The following DMD variants were observed in gnomAD, a reference collection of about 807,000 sequenced individuals.
The protein encoded by DMD is mutant dystrophin.
DMD carries 63 observed loss-of-function variants against 330.1 expected under a neutral mutation model. The observed-to-expected ratio is 0.19, with a 90% CI of 0.16 to 0.24. The LOEUF (loss-of-function observed/expected upper bound fraction) is 0.24, where lower values mean the gene tolerates loss of function less well. DMD is among the 10% of genes least tolerant of loss of function. The pLI is 1.00. For missense variants in DMD, 3,344 were observed against 2,684.1 expected (o/e 1.25, Z -5.43); for synonymous variants, 1,223 against 959.8 (o/e 1.27, Z -5.07).
intron 44 of DMD, among the ~76,000 whole-genome samples, chrX:32,063,605 T>A (rs1041468382): frequency 4.5e-5 from 5 of 111,520 alleles, no homozygotes; most frequent in Admixed American, 2.9e-4. Context: ...AAACACGAAC[T>A]TTTATGATTC....
At position 32,614,464 on chromosome X, in the gene DMD, G is replaced by C. The variant is rs370927319; in HGVS notation, c.1332-11C>G. On this transcript the variant is annotated splice_polypyrimidine_tract_variant and intron_variant, in intron 11 of 78. Transcript: ENST00000357033. ...AAAACTCTATGTAAACTGAAAATTT[G>C]AAAGAAGCCTATTATGACCTCTTTG... 8.4e-7 allele frequency: 1 copy of C among 1,195,155 alleles called. No individual in the cohort carries two copies. Among genetic ancestry groups the C allele is most frequent in the Non-Finnish European group, 1.1e-6 (1 of 882,738 alleles).
intron 55 of DMD, among the ~76,000 whole-genome samples, chrX:31,601,241 G>A (rs896037008): frequency 8.9e-6 from 1 of 112,330 alleles, no homozygotes; most frequent in Admixed American, 9.5e-5. Flanking sequence ...AGTTGACATG[G>A]TCTAACTTGA....
intron 67 of DMD, among the ~76,000 whole-genome samples, chrX:31,201,100 T>C (rs1164974621): frequency 9.3e-6 from 1 of 107,544 alleles, no homozygotes; most frequent in African/African-American, 3.4e-5. Flanking sequence ...CTGAGGTGGG[T>C]GGACAGCTTG....
intron 44 of DMD, among the ~76,000 whole-genome samples, chrX:32,109,720 G>A (rs1050615020): frequency 4.5e-5 from 5 of 111,024 alleles, no homozygotes; most frequent in Non-Finnish European, 7.6e-5. Context: ...TCTGGAGTGC[G>A]TGGTGTGTGT....
intron 62 of DMD, among the ~76,000 whole-genome samples, chrX:31,277,449 T>G (rs1264698810): frequency 1.8e-5 from 2 of 112,064 alleles, no homozygotes; most frequent in Non-Finnish European, 3.8e-5. Flanking sequence ...ATCGATTTTA[T>G]TATTTGGATT....
At chrX:32,427,359 C>G (rs1293486362) in intron 29 of DMD, among the ~76,000 whole-genome samples, 2 of 110,737 alleles carry the variant, frequency 1.8e-5, no homozygotes, top group Non-Finnish European at 3.8e-5. Flanking sequence ...GATATATGGT[C>G]TGAAGTTAAG....
intron 62 of DMD, among the ~76,000 whole-genome samples, chrX:31,310,225 ATG>A (rs1491581063): frequency 5.6e-5 from 5 of 89,304 alleles, no homozygotes; most frequent in African/African-American, 1.9e-4. Flanking sequence ...ATATATATAT[ATG>A]TGTGTGTGTC....
intron 57 of DMD, among the ~76,000 whole-genome samples, chrX:31,482,414 A>C (rs891900962): frequency 9.0e-6 from 1 of 111,685 alleles, no homozygotes; most frequent in Admixed American, 9.6e-5. Flanking sequence ...ATCAAAGTTT[A>C]ATGGGCAAAC....
At chrX:31,857,011 T>C (rs192699459) in intron 48 of DMD, among the ~76,000 whole-genome samples, 221 of 111,839 alleles carry the variant, frequency 2.0e-3, no homozygotes, top group African/African-American at 6.9e-3. Flanking sequence ...AGAATTTTAC[T>C]TGGATCCTAT....
At chrX:33,055,471 G>T (rs2094505909) in intron 1 of DMD, among the ~76,000 whole-genome samples, 1 of 111,862 alleles carries the variant, frequency 8.9e-6, no homozygotes, top group Non-Finnish European at 1.9e-5. Context: ...GTTACTACAG[G>T]CAACACTGTA....
intron 44 of DMD, among the ~76,000 whole-genome samples, chrX:32,187,794 A>C (rs1015693235): frequency 1.8e-5 from 2 of 111,138 alleles, no homozygotes; most frequent in African/African-American, 6.5e-5. Context: ...TTTAGCTTTC[A>C]ATGAAGCACA....
chrX:32,411,279 T>C (rs2098140842), intron 30 of DMD, among the ~76,000 whole-genome samples: 1 of 110,829 alleles, frequency 9.0e-6, no homozygotes, highest in African/African-American at 3.3e-5. Context: ...TACAGGCGCG[T>C]GCCAACAAAC....
intron 1 of DMD, among the ~76,000 whole-genome samples, chrX:33,272,839 A>T (rs2053180875): frequency 9.0e-6 from 1 of 111,637 alleles, no homozygotes; most frequent in African/African-American, 3.3e-5. Flanking sequence ...AAAGAGAAAG[A>T]TTAGAAACAA....
chrX:31,174,914 A>G (rs1008436432), intron 71 of DMD, among the ~76,000 whole-genome samples: 3 of 111,501 alleles, frequency 2.7e-5, no homozygotes, highest in African/African-American at 9.7e-5. Context: ...TGTAATCATA[A>G]TCAAATTGAA....
At chrX:32,668,346 A>T (rs1306082011) in intron 9 of DMD, among the ~76,000 whole-genome samples, 3 of 111,654 alleles carry the variant, frequency 2.7e-5, no homozygotes, top group Non-Finnish European at 5.7e-5. Context: ...AGACAAGAAT[A>T]TTTTTTTTAC....
chrX:31,525,212 C>A (rs2147400386), intron 55 of DMD, among the ~76,000 whole-genome samples: 1 of 111,490 alleles, frequency 9.0e-6, no homozygotes, highest in East Asian at 2.8e-4. Flanking sequence ...GTTTTGAGAT[C>A]CAAGATGATC....
rs1301114773 is a variant in DMD at position 32,252,731 on chromosome X, TAA to T, written c.6290+34796_6290+34797del. Reference sequence around the variant, plus strand: ...AAATATATAAATATATATAAATATATAAATATATATATAAATATATATAAATA... The same window carrying T: ...AAATATATAAATATATATAAATATATATATATATATAAATATATATAAATA... On this transcript the variant is annotated intron_variant, in intron 43 of 78. Transcript: ENST00000357033. 1.3e-3 allele frequency among the ~76,000 whole-genome samples: 52 copies of T among 40,672 alleles called. 4 individuals carry two copies. In the East Asian group the frequency reaches 0.024, roughly 19 times the overall value. The allele number at this position is 40,672 out of a possible 115,157, so 35.3% of individuals were successfully genotyped here. A position where few individuals can be genotyped will look rare whatever the true frequency, so the allele number is the denominator to read the frequency against.
At chrX:31,479,248 T>C (rs943235402) in intron 57 of DMD, 145 bp from the exon 58 acceptor site, 1 of 686,248 alleles carries the variant, frequency 1.5e-6, no homozygotes, top group Non-Finnish European at 2.2e-6. Context: ...AAAATGATTT[T>C]TTTTAAAGGC....
intron 11 of DMD, among the ~76,000 whole-genome samples, chrX:32,615,269 C>T (rs2057474386): frequency 9.0e-6 from 1 of 111,388 alleles, no homozygotes; most frequent in Non-Finnish European, 1.9e-5. Context: ...TTTTTCCCCA[C>T]AAAGATATAG....
Sources: gnomAD v4.1 joint callset for allele counts (sites outside exome capture counted in the v4.1 genomes callset) on GRCh38, gnomAD v4.1.1 for gene constraint, MANE v1.5 for transcripts, NCBI Gene and HGNC (gene_info 2026-07-23, HGNC 2026-07-21) for gene names.